Variants in ARHGEF10L observed in about 807,000 individuals in gnomAD.
The protein encoded by ARHGEF10L is Rho guanine nucleotide exchange factor 10 like, also known as rho guanine nucleotide exchange factor 10-like protein.
Under a neutral mutation model 141.2 loss-of-function variants are expected in ARHGEF10L, and 69 were observed. The ratio of observed to expected loss-of-function variants is 0.49; its 90% CI spans 0.40 to 0.60. The LOEUF is 0.60. Ranked by LOEUF, ARHGEF10L falls within the 20% of genes least tolerant of loss-of-function variation. The probability of loss-of-function intolerance (pLI) is 0.00; values close to 1 mark genes in which losing one functional copy is unlikely to be tolerated. For synonymous variants in ARHGEF10L, 711 were observed against 718.5 expected (o/e 0.99, Z 0.17); for missense variants, 1,482 against 1,734.3 (o/e 0.85, Z 2.58).
rs371111390 is a variant in ARHGEF10L at position 17,640,191 on chromosome 1, T to C, written c.2172-11T>C. The C allele has an allele frequency of 4.4e-6, 7 of 1,607,416 alleles. No homozygotes were observed. Among genetic ancestry groups the C allele is most frequent in the Admixed American group, 3.4e-5 (2 of 59,526 alleles). ...GTACTCACACATCCACTCTAACCCT[T>C]CTCACCACAGGTCCGGCCGCCCCAT... On this transcript the variant is annotated splice_polypyrimidine_tract_variant and intron_variant, in intron 20 of 28. Transcript: ENST00000361221.
At chr1:17,545,107 G>A (rs2076871600) in intron 1 of ARHGEF10L, among the ~76,000 whole-genome samples, 1 of 152,162 alleles carries the variant, frequency 6.6e-6, no homozygotes, top group Admixed American at 6.5e-5. Flanking sequence ...GAGTGTGGGT[G>A]TGGGTGTGTG....
chr1:17,636,100 T>C (rs1350950477), intron 18 of ARHGEF10L, among the ~76,000 whole-genome samples: 1 of 152,164 alleles, frequency 6.6e-6, no homozygotes, highest in Non-Finnish European at 1.5e-5. Context: ...CCTTCTGCCC[T>C]GGCTCAACTG....
rs552472710 is a variant in ARHGEF10L, at chr1:17,603,487, C to G, written c.350-21C>G. 20 of 1,608,872 alleles carry G rather than the reference C, an allele frequency of 1.2e-5. No individual in the cohort carries two copies. The African/African-American group carries it at 2.1e-4, about 17-fold the overall frequency. ...CTGCCACAGCCCACGGTGGTGCTCTCTCTCCCCACTTCCCTCCCAGTTGAC... is the reference window on the plus strand; with the variant it reads ...CTGCCACAGCCCACGGTGGTGCTCTGTCTCCCCACTTCCCTCCCAGTTGAC... On this transcript the variant is annotated intron_variant, in intron 5 of 28. Transcript: ENST00000361221. This position sits in a 1 kb window ranked among gnomAD's most constrained non-coding sequence, Gnocchi z 4.8.
intron 1 of ARHGEF10L, among the ~76,000 whole-genome samples, chr1:17,542,762 A>T (rs1404678782): frequency 6.6e-6 from 1 of 152,224 alleles, no homozygotes; most frequent in Non-Finnish European, 1.5e-5. Context: ...TCCATCTTAC[A>T]GATGAGGAAG....
intron 15 of ARHGEF10L, among the ~76,000 whole-genome samples, chr1:17,631,136 C>T (rs1157240258): frequency 6.7e-6 from 1 of 148,984 alleles, no homozygotes; most frequent in African/African-American, 2.5e-5. Flanking sequence ...GTGATCTGTC[C>T]TTTTATGTCC....
chr1:17,642,244 G>C (rs2061367339), intron 21 of ARHGEF10L, among the ~76,000 whole-genome samples: 1 of 152,192 alleles, frequency 6.6e-6, no homozygotes, highest in African/African-American at 2.4e-5. Context: ...GGGGACCCCT[G>C]AGGCGGGGTC....
At chr1:17,587,046 T>G (rs940506460) in intron 2 of ARHGEF10L, among the ~76,000 whole-genome samples, 2 of 152,238 alleles carry the variant, frequency 1.3e-5, no homozygotes, top group Non-Finnish European at 2.9e-5. Flanking sequence ...AAGGATGCGC[T>G]GTCTGTGCTC....
Position 17,697,097 on chromosome 1 carries a change from C to T in ARHGEF10L, c.3557C>T (p.Pro1186Leu), listed in dbSNP as rs774825853. Residue 1186 changes from proline (P) to leucine (L), a missense_variant, in exon 29 of 29, where the codon CCG becomes CTG. Physicochemically the swap from Pro to Leu is moderately conservative, Grantham distance 98. Coordinates refer to ENST00000361221, the MANE Select transcript of ARHGEF10L (RefSeq NM_018125.4). This position sits in a 1 kb window ranked among gnomAD's most constrained non-coding sequence, Gnocchi z 4.8. ...CGCTCCACCGCACACCTCCCGGGCC[C>T]GCTGCTCTCCATGCGGGAGCCGGCG... ...RLRSTAHLPG[P>L]LLSMREPAPA... The T allele has an allele frequency of 2.6e-5, 42 of 1,608,354 alleles. No homozygotes were observed. The highest frequency in any genetic ancestry group is 3.3e-4 in the Middle Eastern group (2 of 6,064).
the ARHGEF10L span, among the ~76,000 whole-genome samples, chr1:17,532,693 C>A: frequency 6.7e-6 from 1 of 150,250 alleles, no homozygotes; most frequent in African/African-American, 2.5e-5. Flanking sequence ...CATCCAGGTT[C>A]AAGCTATTCT....
chr1:17,670,101 C>T (rs933098069), intron 26 of ARHGEF10L, among the ~76,000 whole-genome samples: 11 of 152,390 alleles, frequency 7.2e-5, no homozygotes, highest in South Asian at 2.1e-4. Flanking sequence ...CCGCGAGCCA[C>T]GCCTAGGCCA....
intron 4 of ARHGEF10L, among the ~76,000 whole-genome samples, chr1:17,593,061 C>G (rs2079711061): frequency 6.6e-6 from 1 of 152,160 alleles, no homozygotes; most frequent in Non-Finnish European, 1.5e-5. Flanking sequence ...ATCCCAGGCC[C>G]TTTGAGGACC....
chr1:17,667,734 G>A (rs1346674822), intron 26 of ARHGEF10L, among the ~76,000 whole-genome samples: 1 of 152,210 alleles, frequency 6.6e-6, no homozygotes, highest in Non-Finnish European at 1.5e-5. Context: ...GGAGGTGTGA[G>A]TGGCGCGGCC....
chr1:17,551,327 G>A (rs992455822), intron 1 of ARHGEF10L, among the ~76,000 whole-genome samples: 9 of 138,390 alleles, frequency 6.5e-5, no homozygotes, highest in African/African-American at 1.9e-4. Context: ...AAGGGTGGGC[G>A]GTGCCTGATG....
rs1039644242 is a variant in ARHGEF10L at position 17,573,561 on chromosome 1, G to T, written c.-43-6992G>T. ...TCGCCGGGGACAAAGGGGTTAATGT[G>T]TCTGGGGGCTGGGAGGGAAGGAGGA... is the stretch of plus-strand genomic sequence containing the variant. On this transcript the variant is annotated intron_variant, in intron 1 of 28. Coordinates refer to ENST00000361221, the MANE Select transcript of ARHGEF10L (RefSeq NM_018125.4). This position sits in a 1 kb window ranked among gnomAD's most constrained non-coding sequence, Gnocchi z 4.8. Among the ~76,000 whole-genome samples, 1 of 152,142 alleles carries T rather than the reference G, an allele frequency of 6.6e-6. No individual in the cohort carries two copies. The highest frequency in any genetic ancestry group is 1.9e-4 in the East Asian group (1 of 5,184).
chr1:17,611,058 A>G (rs12083884), intron 7 of ARHGEF10L, among the ~76,000 whole-genome samples: 2,582 of 152,126 alleles, frequency 0.017, 80 homozygotes, highest in African/African-American at 0.059. Flanking sequence ...GGGACTGGGC[A>G]GAACTCATGG....
At chr1:17,576,518 C>A (rs571436480) in intron 1 of ARHGEF10L, among the ~76,000 whole-genome samples, 35 of 152,252 alleles carry the variant, frequency 2.3e-4, no homozygotes, top group African/African-American at 8.2e-4. Flanking sequence ...GGAAGGGGAA[C>A]TGTTCAGTGT....
At chr1:17,554,797 C>T (rs1056552379) in intron 1 of ARHGEF10L, among the ~76,000 whole-genome samples, 14 of 151,984 alleles carry the variant, frequency 9.2e-5, no homozygotes, top group Non-Finnish European at 1.8e-4. Flanking sequence ...TGCCACGTTG[C>T]CCAGGCTGGT....
chr1:17,601,594 C>T (rs532075368), intron 4 of ARHGEF10L, among the ~76,000 whole-genome samples: 16 of 152,292 alleles, frequency 1.1e-4, no homozygotes, highest in Admixed American at 9.8e-4. Flanking sequence ...TACAGGCATG[C>T]ACCACCACGC....
the ARHGEF10L span, among the ~76,000 whole-genome samples, chr1:17,525,113 G>A: frequency 6.6e-6 from 1 of 152,270 alleles, no homozygotes; most frequent in South Asian, 2.1e-4. Flanking sequence ...AGGTAACCCT[G>A]GTCCTTCCTG....
Sources: allele counts gnomAD v4.1 joint callset (sites outside exome capture counted in the v4.1 genomes callset), GRCh38; gene constraint gnomAD v4.1.1; non-coding constraint Gnocchi (gnomAD v3.1); transcripts MANE v1.5; gene names NCBI Gene and HGNC (gene_info 2026-07-23, HGNC 2026-07-21).